ZC3H12D: variants seen among roughly 807,000 people sequenced by gnomAD.
ZC3H12D encodes zinc finger CCCH-type containing 12D.
Under a neutral mutation model 24.2 loss-of-function variants are expected in ZC3H12D, and 11 were observed. The ratio of observed to expected loss-of-function variants is 0.46; its 90% CI spans 0.29 to 0.75. ZC3H12D has a LOEUF of 0.75. Among genes scored for constraint, ZC3H12D ranks in the 30% least tolerant of loss-of-function variants. The pLI is 0.11. For synonymous variants in ZC3H12D, 333 were observed against 341.8 expected (o/e 0.97, Z 0.28); for missense variants, 740 against 767.7 (o/e 0.96, Z 0.43).
intron 2 of ZC3H12D, among the ~76,000 whole-genome samples, chr6:149,465,326 C>G (rs993051435): frequency 6.7e-6 from 1 of 149,570 alleles, no homozygotes; most frequent in Admixed American, 6.6e-5. Context: ...TGCACTCCAG[C>G]CTGGGTGACA....
rs780540980 is a variant in ZC3H12D at position 149,474,590 on chromosome 6, C to T, written c.-47G>A. 6.6e-5 allele frequency: 93 copies of T among 1,418,690 alleles called. No individual in the cohort carries two copies. Among genetic ancestry groups the T allele is most frequent in the Non-Finnish European group, 8.1e-5 (87 of 1,073,386 alleles). The allele number at this position is 1,418,690 out of a possible 1,614,324, so 87.9% of individuals were successfully genotyped here. ...CGCAGGTCCTGCCCCAGGCTTCCTC[C>T]TCTCAGAGCCCTGCAGACATGAGCT... is the stretch of plus-strand genomic sequence containing the variant. On this transcript the variant is annotated 5_prime_UTR_variant, in exon 2 of 6. Transcript: ENST00000409806.
chr6:149,476,229 G>A (rs1389736962), intron 1 of ZC3H12D, among the ~76,000 whole-genome samples: 4 of 152,204 alleles, frequency 2.6e-5, no homozygotes, highest in African/African-American at 7.2e-5. Flanking sequence ...TTTGGGGGCC[G>A]GGCGCAGTGG....
intron 2 of ZC3H12D, among the ~76,000 whole-genome samples, chr6:149,467,545 C>T (rs575430744): frequency 3.9e-5 from 6 of 152,104 alleles, no homozygotes; most frequent in South Asian, 4.1e-4. Context: ...TGAGCCACTG[C>T]GCCTGGCCTT....
chr6:149,450,775 T>A lies in ZC3H12D; in HGVS notation c.1492A>T (p.Met498Leu). 6.5e-7 allele frequency: 1 copy of A among 1,549,276 alleles called. No individual in the cohort carries two copies. The highest frequency in any genetic ancestry group is 1.2e-5 in the South Asian group (1 of 84,032). ...VFPRDQVDRVMAAFPELSDLA... is the reference protein window; with the variant it reads ...VFPRDQVDRVLAAFPELSDLA... ...TCTGAGAGCTCCGGGAACGCGGCCA[T>A]CACGCGGTCCACCTGGTCACGCGGG... Residue 498 changes from methionine to leucine, a missense_variant, in exon 6 of 6, where the codon ATG becomes TTG. By Grantham distance (15) the Met-to-Leu change is conservative. Transcript: ENST00000409806.
In ZC3H12D at chr6:149,450,672, G is replaced by A. The variant is rs1286778392; in HGVS notation, c.*11C>T. ...AGGCTGGGCCATTCCCTGCAAGTGC[G>A]TGTTGGTCCCTTAGGGCTTGCCCAG... On this transcript the variant is annotated 3_prime_UTR_variant, in exon 6 of 6. Coordinates refer to ENST00000409806, the MANE Select transcript of ZC3H12D (RefSeq NM_207360.3). 4 of 1,510,006 alleles carry A rather than the reference G, an allele frequency of 2.6e-6. No individual in the cohort carries two copies. The highest frequency in any genetic ancestry group is 1.2e-5 in the South Asian group (1 of 80,774). 93.5% of individuals were successfully genotyped at this position (1,510,006 alleles called of 1,614,324 possible). A position where few individuals can be genotyped will look rare whatever the true frequency, so the allele number is the denominator to read the frequency against.
intron 4 of ZC3H12D, among the ~76,000 whole-genome samples, chr6:149,454,824 G>A (rs142058109): frequency 1.1e-4 from 16 of 152,360 alleles, no homozygotes; most frequent in African/African-American, 2.4e-4. Flanking sequence ...GGCTACAGAC[G>A]GACAGTGAGA....
intron 3 of ZC3H12D, among the ~76,000 whole-genome samples, chr6:149,460,175 T>C (rs73779366): frequency 0.019 from 2,820 of 152,332 alleles, 89 homozygotes; most frequent in African/African-American, 0.065. Flanking sequence ...AGCTGCTCTC[T>C]TCTCACAGGT....
chr6:149,451,554 C>A, intron 5 of ZC3H12D, 75 bp from the exon 6 acceptor site: 2 of 1,288,886 alleles, frequency 1.6e-6, no homozygotes, highest in South Asian at 3.0e-5. Flanking sequence ...CTGGTGCATC[C>A]GGGGAGTGCC....
Position 149,452,965 on chromosome 6 carries a change from G to A in ZC3H12D, c.681-243C>T, listed in dbSNP as rs377033213. Among the ~76,000 whole-genome samples the A allele has an allele frequency of 1.1e-4, 16 of 152,226 alleles. No individual in the cohort carries two copies. In the East Asian group the frequency reaches 1.5e-3, roughly 15 times the overall value. On this transcript the variant is annotated intron_variant, in intron 4 of 5. Coordinates refer to ENST00000409806, the MANE Select transcript of ZC3H12D (RefSeq NM_207360.3). This position sits in a 1 kb window ranked among gnomAD's most constrained non-coding sequence, Gnocchi z 4.0. Reference sequence around the variant, plus strand: ...GTTTCTCCTGTTGTGGTTCAAGCCAGCAGTGTCAGAATCACCTAGCAACTT... The same window carrying A: ...GTTTCTCCTGTTGTGGTTCAAGCCAACAGTGTCAGAATCACCTAGCAACTT...
intron 2 of ZC3H12D, among the ~76,000 whole-genome samples, chr6:149,465,924 C>CTG (rs2307628): frequency 0.65 from 97,779 of 151,492 alleles, 33,942 homozygotes; most frequent in African/African-American, 0.9. Flanking sequence ...AACATCAAGA[C>CTG]TGTGAACAAG....
chr6:149,461,866 C>G lies in ZC3H12D; in HGVS notation c.410G>C (p.Arg137Thr). The change falls in exon 3 of 6, where the codon AGG (arginine) becomes ACG (threonine). Residue 137 changes from arginine to threonine, a missense_variant. By Grantham distance (71) the Arg-to-Thr change is moderately conservative. Transcript: ENST00000409806. ...GGTGTCAGCTCTTGGTGGGTCCTTC[C>G]TCCAGGATGGAACAAAAACTTTGAT... ...TYIKVFVPSWRKDPPRADTPI... is the reference protein window; with the variant it reads ...TYIKVFVPSWTKDPPRADTPI... 1 of 1,578,466 alleles carries G rather than the reference C, an allele frequency of 6.3e-7. No individual in the cohort carries two copies. Among genetic ancestry groups the G allele is most frequent in the East Asian group, 2.3e-5 (1 of 43,330 alleles).
At chr6:149,466,727 T>C (rs1776168964) in intron 2 of ZC3H12D, among the ~76,000 whole-genome samples, 1 of 151,818 alleles carries the variant, frequency 6.6e-6, no homozygotes, top group South Asian at 2.1e-4. Context: ...AATACAAAAA[T>C]CAGCCAGGCG....
In ZC3H12D at chr6:149,456,957, C is replaced by T. The variant is rs1775994802; in HGVS notation, c.446-57G>A. 1 of 1,537,690 alleles carries T rather than the reference C, an allele frequency of 6.5e-7. No homozygotes were observed. Among genetic ancestry groups the T allele is most frequent in the Non-Finnish European group, 8.8e-7 (1 of 1,134,252 alleles). On this transcript the variant is annotated intron_variant, in intron 3 of 5. Transcript: ENST00000409806. The surrounding 1 kb of genome is among the most constrained non-coding windows in gnomAD (Gnocchi z 4.3). ...GGCCCAAGGGCACCGCCCCTGAGAA[C>T]CACCCCCAACGCGAGGCCACCCGCT...
At chr6:149,460,575 A>C (rs752832294) in intron 3 of ZC3H12D, among the ~76,000 whole-genome samples, 5 of 152,230 alleles carry the variant, frequency 3.3e-5, no homozygotes, top group Non-Finnish European at 7.4e-5. Flanking sequence ...TGGCTCACAC[A>C]TGTAATCCCA....
In ZC3H12D at chr6:149,452,935, T is replaced by G. The variant is rs1775924400; in HGVS notation, c.681-213A>C. The stretch of plus-strand genomic sequence containing the variant: ...CACACAGCACAGCTCTGGCCCTCTT[T>G]GGGTGTTTCTCCTGTTGTGGTTCAA... On this transcript the variant is annotated intron_variant, in intron 4 of 5. Transcript: ENST00000409806. This position sits in a 1 kb window ranked among gnomAD's most constrained non-coding sequence, Gnocchi z 4.0. 6.6e-6 allele frequency among the ~76,000 whole-genome samples: 1 copy of G among 152,106 alleles called. No individual in the cohort carries two copies. The highest frequency in any genetic ancestry group is 1.5e-5 in the Non-Finnish European group (1 of 68,002).
intron 4 of ZC3H12D, among the ~76,000 whole-genome samples, chr6:149,455,848 G>A (rs568058121): frequency 5.9e-5 from 9 of 151,462 alleles, no homozygotes; most frequent in Non-Finnish European, 1.3e-4. Context: ...GCTGCAGTGA[G>A]CTGTGATCAT....
chr6:149,465,971 G>A (rs932603624), intron 2 of ZC3H12D, among the ~76,000 whole-genome samples: 1 of 152,046 alleles, frequency 6.6e-6, no homozygotes, highest in Admixed American at 6.6e-5. Flanking sequence ...GACTGGGCAG[G>A]CTGCAAGCCC....
chr6:149,459,646 G>T (rs1321345988), intron 3 of ZC3H12D: 4 of 718,046 alleles, frequency 5.6e-6, no homozygotes, highest in Admixed American at 2.0e-5. Flanking sequence ...GCTCCCAGGA[G>T]AATGGACCTC....
At chr6:149,465,798 C>T (rs1776151364) in intron 2 of ZC3H12D, among the ~76,000 whole-genome samples, 3 of 151,426 alleles carry the variant, frequency 2.0e-5, no homozygotes, top group Admixed American at 1.3e-4. Flanking sequence ...ATCGCTGGTC[C>T]TTTCCAGCCC....
Sources: allele counts gnomAD v4.1 joint callset (sites outside exome capture counted in the v4.1 genomes callset), GRCh38; gene constraint gnomAD v4.1.1; non-coding constraint Gnocchi (gnomAD v3.1); transcripts MANE v1.5; gene names NCBI Gene and HGNC (gene_info 2026-07-23, HGNC 2026-07-21).